FBXL13: variants seen among roughly 807,000 people sequenced by gnomAD.
FBXL13 encodes F-box and leucine rich repeat protein 13, also known as F-box and leucine-rich repeat protein 13.
In FBXL13, 67 loss-of-function variants were observed where a neutral mutation model predicts 83.6. The ratio of observed to expected loss-of-function variants is 0.80; its 90% CI spans 0.66 to 0.98. FBXL13 has a LOEUF of 0.98. Ranked by LOEUF, FBXL13 falls within the 50% of genes least tolerant of loss-of-function variation. The pLI, the probability that FBXL13 is intolerant of heterozygous loss-of-function variation, is 0.00. For synonymous variants in FBXL13, 272 were observed against 299.5 expected, an observed-to-expected ratio of 0.91 and a Z score of 0.95; for missense variants, 822 against 866.5, an observed-to-expected ratio of 0.95 and a Z score of 0.64.
chr7:102,897,857 C>T (rs979686578), intron 11 of FBXL13, among the ~76,000 whole-genome samples: 11 of 152,116 alleles, frequency 7.2e-5, no homozygotes, highest in Non-Finnish European at 1.6e-4. Context: ...TATAAGATGA[C>T]TTTAATACTT....
chr7:102,946,867 G>T (rs1329941402), intron 8 of FBXL13, among the ~76,000 whole-genome samples: 4 of 151,840 alleles, frequency 2.6e-5, no homozygotes, highest in African/African-American at 9.7e-5. Flanking sequence ...TAGAGACGGG[G>T]GTTTTGCCAT....
intron 17 of FBXL13, among the ~76,000 whole-genome samples, chr7:102,843,370 G>C (rs1384008874): frequency 3.3e-5 from 5 of 152,154 alleles, no homozygotes; most frequent in Non-Finnish European, 2.9e-5. Flanking sequence ...TTGAACCCAG[G>C]AGGCAGAGGT....
intron 11 of FBXL13, among the ~76,000 whole-genome samples, chr7:102,897,267 A>T (rs1812370417): frequency 6.6e-6 from 1 of 152,048 alleles, no homozygotes; most frequent in South Asian, 2.1e-4. Flanking sequence ...TAGCTGGAGA[A>T]GGGAAATGGA....
intron 6 of FBXL13, among the ~76,000 whole-genome samples, chr7:103,024,857 A>ATATT (rs1298384907): frequency 3.3e-4 from 21 of 62,844 alleles, no homozygotes; most frequent in African/African-American, 6.3e-4. Flanking sequence ...ATATATATAT[A>ATATT]TTTTTTTTTT....
intron 8 of FBXL13, among the ~76,000 whole-genome samples, chr7:102,947,746 A>G (rs1464814524): frequency 6.6e-6 from 1 of 152,026 alleles, no homozygotes; most frequent in Admixed American, 6.6e-5. Flanking sequence ...AGATATACCT[A>G]TTTGAACGTA....
intron 19 of FBXL13, chr7:102,814,384 T>C (rs1437916657): frequency 2.6e-5 from 4 of 152,150 alleles, no homozygotes; most frequent in Non-Finnish European, 5.9e-5. Flanking sequence ...GATATGGAGC[T>C]GGCATTACCA....
chr7:102,875,406 G>A (rs1318056405), intron 16 of FBXL13, among the ~76,000 whole-genome samples: 2 of 151,984 alleles, frequency 1.3e-5, no homozygotes, highest in Non-Finnish European at 1.5e-5. Flanking sequence ...AGGAGGGGAG[G>A]GGAGAGCCAG....
chr7:102,957,540 C>A (rs1824479723), intron 8 of FBXL13, among the ~76,000 whole-genome samples: 1 of 152,104 alleles, frequency 6.6e-6, no homozygotes, highest in South Asian at 2.1e-4. Context: ...CAAATGGGAT[C>A]TAATCAAACT....
chr7:103,073,849 A>C (rs1799305658), intron 1 of FBXL13, among the ~76,000 whole-genome samples: 2 of 152,062 alleles, frequency 1.3e-5, no homozygotes, highest in South Asian at 4.2e-4. Flanking sequence ...TTCTTTCCCT[A>C]GACATCTCTC....
At chr7:102,886,205 A>G (rs1810771963) in intron 11 of FBXL13, among the ~76,000 whole-genome samples, 1 of 152,210 alleles carries the variant, frequency 6.6e-6, no homozygotes. Flanking sequence ...ACAGATAGGA[A>G]ATCAGATTGT....
At chr7:102,976,351 C>G in intron 6 of FBXL13, 1 of 601,652 alleles carries the variant, frequency 1.7e-6, no homozygotes, top group Non-Finnish European at 3.0e-6. Flanking sequence ...AGCCTCCAAA[C>G]CCTGAGCCCC....
At chr7:103,018,011 A>G (rs1792589917) in intron 6 of FBXL13, among the ~76,000 whole-genome samples, 1 of 152,184 alleles carries the variant, frequency 6.6e-6, no homozygotes, top group Non-Finnish European at 1.5e-5. Flanking sequence ...CAACTCCAAG[A>G]CACATAATTG....
Position 102,926,735 on chromosome 7 carries a change from G to T in FBXL13, c.778-361C>A, listed in dbSNP as rs538108384. On this transcript the variant is annotated intron_variant, in intron 9 of 19. Coordinates refer to ENST00000313221, the Ensembl canonical transcript of FBXL13. ...ATATGCAGGAAAGCAATTAAAAACT[G>T]ATCCATTTTAAACTTATTAAAATTA... Among the ~76,000 whole-genome samples, 28 of 152,238 alleles carry T rather than the reference G, an allele frequency of 1.8e-4. No homozygotes were observed. In the South Asian group the frequency reaches 5.6e-3, roughly 30 times the overall value.
Position 102,906,913 on chromosome 7 carries a change from G to C in FBXL13, c.1008+6173C>G, listed in dbSNP as rs373349169. ...TCTCTAGGTTTCTGGAGGTTCTCTG[G>C]TATTATCCCTTTGGTTTTTGTTTGT... On this transcript the variant is annotated intron_variant, in intron 11 of 19. Transcript: ENST00000313221. 8.6e-5 allele frequency among the ~76,000 whole-genome samples: 13 copies of C among 151,730 alleles called. No individual in the cohort carries two copies. The East Asian group carries it at 2.1e-3, about 25-fold the overall frequency.
chr7:102,852,334 T>G (rs1338307354), intron 17 of FBXL13, among the ~76,000 whole-genome samples: 2 of 152,170 alleles, frequency 1.3e-5, no homozygotes, highest in Non-Finnish European at 2.9e-5. Flanking sequence ...TTTATTCAAT[T>G]TGTACTTAAT....
chr7:103,026,012 G>C (rs115950546), intron 5 of FBXL13, among the ~76,000 whole-genome samples: 1 of 150,436 alleles, frequency 6.6e-6, no homozygotes, highest in African/African-American at 2.4e-5. Flanking sequence ...CATATATCTT[G>C]ATGATATTAT....
At chr7:103,047,633 A>G (rs1340006078) in intron 2 of FBXL13, among the ~76,000 whole-genome samples, 1 of 152,236 alleles carries the variant, frequency 6.6e-6, no homozygotes, top group East Asian at 1.9e-4. Context: ...TTAACATAAT[A>G]ACTATAATTA....
intron 7 of FBXL13, among the ~76,000 whole-genome samples, chr7:102,965,610 T>C (rs553591343): frequency 2.0e-5 from 3 of 152,326 alleles, no homozygotes; most frequent in South Asian, 2.1e-4. Context: ...ATTTCTAATA[T>C]GAAATCCTAG....
chr7:102,935,226 CT>C (rs201080434), intron 8 of FBXL13, among the ~76,000 whole-genome samples: 2,064 of 131,316 alleles, frequency 0.016, 20 homozygotes, highest in Middle Eastern at 0.045. Flanking sequence ...GCTCATGCTC[CT>C]TTTTTTTTTT....
Sources: allele counts gnomAD v4.1 joint callset (sites outside exome capture counted in the v4.1 genomes callset), GRCh38; gene constraint gnomAD v4.1.1; transcripts MANE v1.5; gene names NCBI Gene and HGNC (gene_info 2026-07-23, HGNC 2026-07-21).